Variants in USP9X observed in about 807,000 individuals in gnomAD.
USP9X encodes the protein ubiquitin specific peptidase 9 X-linked, also known as ubiquitin carboxyl-terminal hydrolase 9X.
USP9X carries 7 observed loss-of-function variants against 190.3 expected under a neutral mutation model. That is an observed-to-expected ratio of 0.04 (90% CI 0.02 to 0.07). The LOEUF (loss-of-function observed/expected upper bound fraction) is 0.07. Among genes scored for constraint, USP9X ranks in the 10% least tolerant of loss-of-function variants. The probability of loss-of-function intolerance (pLI) is 1.00; values close to 1 mark genes in which losing one functional copy is unlikely to be tolerated. For synonymous variants in USP9X, 645 were observed against 659.5 expected (o/e 0.98, Z 0.34); for missense variants, 1,010 against 1,916.9 (o/e 0.53, Z 8.83).
intron 1 of USP9X, among the ~76,000 whole-genome samples, chrX:41,087,114 C>T (rs1426333308): frequency 8.9e-6 from 1 of 112,650 alleles, no homozygotes; most frequent in Non-Finnish European, 1.9e-5. Flanking sequence ...GTGCAGTTTA[C>T]AGGTGTATAT....
intron 5 of USP9X, among the ~76,000 whole-genome samples, chrX:41,135,625 TTTG>T (rs1278620418): frequency 8.1e-5 from 9 of 111,444 alleles, no homozygotes; most frequent in Non-Finnish European, 1.5e-4. Context: ...CTCTGTTGCT[TTTG>T]TTTTTTGTGT....
At chrX:41,178,702 C>A (rs2062800756) in intron 21 of USP9X, among the ~76,000 whole-genome samples, 1 of 111,474 alleles carries the variant, frequency 9.0e-6, no homozygotes, top group South Asian at 3.7e-4. Context: ...TGGGTAGAAG[C>A]TTTTTAGTTT....
intron 1 of USP9X, among the ~76,000 whole-genome samples, chrX:41,099,115 TTTTTTTTA>T (rs1488911623): frequency 6.6e-5 from 6 of 90,237 alleles, no homozygotes; most frequent in East Asian, 3.5e-4. Flanking sequence ...TTTTTTTTTT[TTTTTTTTA>T]AACAGAGATG....
In USP9X at chrX:41,197,390, G is replaced by A. The variant is rs768376734; in HGVS notation, c.4260G>A (p.Thr1420=). 2.3e-5 allele frequency: 24 copies of A among 1,058,289 alleles called. No individual in the cohort carries two copies. The highest frequency in any genetic ancestry group is 2.9e-5 in the Non-Finnish European group (23 of 793,191). The allele number at this position is 1,058,289 out of a possible 1,213,427, so 87.2% of individuals were successfully genotyped here. A position where few individuals can be genotyped will look rare whatever the true frequency, so the allele number is the denominator to read the frequency against. ...ATGATGTTAAAAGAACAGGAGAAAC[G>A]GGTATTGAAGAGACGATCTTAGAGG... is the stretch of plus-strand genomic sequence containing the variant. ...IRDDVKRTGE[T]GIEETILEGH... Residue 1420 remains threonine (T), a synonymous_variant, in exon 29 of 45, where the codon ACG becomes ACA. Transcript: ENST00000378308.
At chrX:41,125,200 CGAG>C (rs1409514234) in intron 2 of USP9X, among the ~76,000 whole-genome samples, 1 of 110,223 alleles carries the variant, frequency 9.1e-6, no homozygotes, top group Non-Finnish European at 1.9e-5. Flanking sequence ...CTCAGCCTCT[CGAG>C]TAGCTGGGAT....
chrX:41,099,303 G>GTA (rs1203017982), intron 1 of USP9X, among the ~76,000 whole-genome samples: 1 of 109,054 alleles, frequency 9.2e-6, no homozygotes, highest in East Asian at 2.9e-4. Context: ...GAACACTTTT[G>GTA]TATATGTCTT....
At chrX:41,152,812 A>G (rs41297336) in intron 13 of USP9X, 136 bp from the exon 14 acceptor site, 1 of 615,189 alleles carries the variant, frequency 1.6e-6, no homozygotes, top group Non-Finnish European at 2.3e-6. Flanking sequence ...TGATATTTTC[A>G]TTAAAAGAAG....
chrX:41,118,071 G>A (rs2062163909), intron 1 of USP9X, among the ~76,000 whole-genome samples: 2 of 111,312 alleles, frequency 1.8e-5, no homozygotes, highest in Non-Finnish European at 3.8e-5. Flanking sequence ...TGGTCAGGCT[G>A]GTCTTGAACT....
chrX:41,212,886 G>A (rs1318660080), intron 33 of USP9X, among the ~76,000 whole-genome samples: 9 of 111,704 alleles, frequency 8.1e-5, no homozygotes, highest in Non-Finnish European at 1.5e-4. Flanking sequence ...TATTCACTTA[G>A]CCTAGGCAAC....
intron 36 of USP9X, 21 bp downstream of exon 36, chrX:41,217,364 A>G (rs775556678): frequency 1.5e-5 from 18 of 1,189,535 alleles, no homozygotes; most frequent in Non-Finnish European, 1.9e-5. Context: ...TTGGATTTTC[A>G]TTCCTATTAT....
chrX:41,229,148 G>T (rs916618572), intron 41 of USP9X, 105 bp from the exon 42 acceptor site: 1 of 564,098 alleles, frequency 1.8e-6, no homozygotes, highest in East Asian at 3.9e-5. Context: ...TCTAATGTTA[G>T]ATTAAATGAC....
chrX:41,229,548 G>T lies in USP9X; in HGVS notation c.7219-19G>T. The T allele has an allele frequency of 2.5e-6, 3 of 1,207,089 alleles. No homozygotes were observed. Among genetic ancestry groups the T allele is most frequent in the Non-Finnish European group, 3.4e-6 (3 of 893,675 alleles). ...TATTCCAAATCCTCTTATCTATATG[G>T]TTTTATTTTCTTTTGCAGGGCAATG... On this transcript the variant is annotated intron_variant, in intron 42 of 44. Coordinates refer to ENST00000378308, the MANE Select transcript of USP9X (RefSeq NM_001039591.3).
In USP9X at chrX:41,197,352, C is replaced by CCCCCCGGGG; in HGVS notation, c.4234-12_4234-11insCCCCCGGGG. On this transcript the variant is annotated splice_polypyrimidine_tract_variant and intron_variant, in intron 28 of 44. Coordinates refer to ENST00000378308, the MANE Select transcript of USP9X (RefSeq NM_001039591.3). ...TTCTTCCCCCCCCCACCCCACCCCC[C>CCCCCCGGGG]GCCTTTGGCAGGATGATGTTAAAAG... 1.9e-5 allele frequency: 19 copies of CCCCCCGGGG among 987,939 alleles called. No homozygotes were observed. The highest frequency in any genetic ancestry group is 2.4e-5 in the Non-Finnish European group (18 of 759,127). The allele number at this position is 987,939 out of a possible 1,213,427, so 81.4% of individuals were successfully genotyped here. A position where few individuals can be genotyped will look rare whatever the true frequency, so the allele number is the denominator to read the frequency against.
At chrX:41,119,348 C>A (rs887591029) in intron 1 of USP9X, among the ~76,000 whole-genome samples, 9 of 110,740 alleles carry the variant, frequency 8.1e-5, no homozygotes, top group African/African-American at 3.0e-4. Context: ...CAACAAAAAA[C>A]CCAAAATTTA....
intron 21 of USP9X, among the ~76,000 whole-genome samples, chrX:41,174,136 A>G (rs2062752606): frequency 8.9e-6 from 1 of 112,155 alleles, no homozygotes; most frequent in South Asian, 3.7e-4. Context: ...TATCATCCAG[A>G]TTTGTTGTAA....
Position 41,232,620 on chromosome X carries a change from CTA to C in USP9X, c.*98_*99del. On this transcript the variant is annotated 3_prime_UTR_variant, in exon 45 of 45. Coordinates refer to ENST00000378308, the MANE Select transcript of USP9X (RefSeq NM_001039591.3). Reference sequence around the variant, plus strand: ...TGGCTAATATTTAAAACTAGAAAAACTATTCCTAATCAACATGGAGTGGAGAG... The same window carrying C: ...TGGCTAATATTTAAAACTAGAAAAACTTCCTAATCAACATGGAGTGGAGAG... 9 of 1,062,599 alleles carry C rather than the reference CTA, an allele frequency of 8.5e-6. No individual in the cohort carries two copies. Among genetic ancestry groups the C allele is most frequent in the Non-Finnish European group, 1.1e-5 (9 of 795,169 alleles). The allele number at this position is 1,062,599 out of a possible 1,213,427, so 87.6% of individuals were successfully genotyped here. A position where few individuals can be genotyped will look rare whatever the true frequency, so the allele number is the denominator to read the frequency against.
intron 17 of USP9X, 69 bp downstream of exon 17, chrX:41,167,646 A>C (rs916570686): frequency 6.4e-6 from 5 of 785,487 alleles, no homozygotes; most frequent in Non-Finnish European, 7.3e-6. Flanking sequence ...TATACAAAAG[A>C]GAAAAAATAT....
intron 31 of USP9X, among the ~76,000 whole-genome samples, chrX:41,202,954 G>A (rs2063055819): frequency 9.0e-6 from 1 of 111,334 alleles, no homozygotes; most frequent in Admixed American, 9.6e-5. Flanking sequence ...TTTGGGTTTT[G>A]GTTTTTTTGG....
At chrX:41,147,175 G>GT (rs758775108) in intron 11 of USP9X, among the ~76,000 whole-genome samples, 377 of 100,100 alleles carry the variant, frequency 3.8e-3, no homozygotes, top group African/African-American at 8.4e-3. Context: ...GATACAGAAG[G>GT]TTTTTTTTTT....
Sources: allele counts gnomAD v4.1 joint callset (sites outside exome capture counted in the v4.1 genomes callset), GRCh38; gene constraint gnomAD v4.1.1; transcripts MANE v1.5; gene names NCBI Gene and HGNC (gene_info 2026-07-23, HGNC 2026-07-21).